Variants in MELK observed in about 807,000 individuals in gnomAD.
MELK encodes pEg3 kinase.
Under a neutral mutation model 85.0 loss-of-function variants are expected in MELK, and 81 were observed. That is an observed-to-expected ratio of 0.95 (90% CI 0.80 to 1.15). MELK has a LOEUF of 1.15. MELK is among the 50% of genes most tolerant of loss of function. The pLI is 0.00. For missense variants in MELK, 754 were observed against 777.5 expected, an observed-to-expected ratio of 0.97 and a Z score of 0.36; for synonymous variants, 252 against 265.0, an observed-to-expected ratio of 0.95 and a Z score of 0.48.
intron 8 of MELK, among the ~76,000 whole-genome samples, chr9:36,617,781 T>TA (rs200497432): frequency 1.3e-5 from 2 of 152,002 alleles, no homozygotes; most frequent in African/African-American, 2.4e-5. Context: ...TTAAACATCA[T>TA]AAAAAAAACT....
chr9:36,675,617 C>CCAGTCA (rs1833277978), intron 17 of MELK, among the ~76,000 whole-genome samples: 1 of 152,102 alleles, frequency 6.6e-6, no homozygotes, highest in Non-Finnish European at 1.5e-5. Context: ...TCATGACTGG[C>CCAGTCA]TGTTTTACAG....
At position 36,662,908 on chromosome 9, in the gene MELK, G is replaced by T. The variant is rs770612240; in HGVS notation, c.1177-2442G>T. On this transcript the variant is annotated intron_variant, in intron 13 of 17. Transcript: ENST00000298048. ...CACACCATCTGTGTGGTGTCTCTGT[G>T]GATAGTGTCCTCTGGAGTTGTATAA... is the stretch of plus-strand genomic sequence containing the variant. Among the ~76,000 whole-genome samples, 181 of 152,098 alleles carry T rather than the reference G, an allele frequency of 1.2e-3. 1 individual carries two copies. The highest frequency in any genetic ancestry group is 2.4e-3 in the Non-Finnish European group (160 of 68,016).
At chr9:36,651,412 T>A (rs1171509068) in intron 11 of MELK, among the ~76,000 whole-genome samples, 1 of 152,160 alleles carries the variant, frequency 6.6e-6, no homozygotes, top group Non-Finnish European at 1.5e-5. Context: ...GGAGTTGCAG[T>A]AGAGTTAAAT....
chr9:36,674,680 TAAGAGTTG>T (rs1833184540), intron 16 of MELK, among the ~76,000 whole-genome samples, 146 bp from the exon 17 acceptor site: 1 of 152,260 alleles, frequency 6.6e-6, no homozygotes, highest in South Asian at 2.1e-4. Context: ...ATTAACTCAC[TAAGAGTTG>T]ACTGTAAATT....
chr9:36,591,533 C>G (rs560249863), intron 4 of MELK, among the ~76,000 whole-genome samples: 1 of 152,116 alleles, frequency 6.6e-6, no homozygotes, highest in African/African-American at 2.4e-5. Context: ...GAGATCATGC[C>G]ACTGCACTCC....
intron 7 of MELK, among the ~76,000 whole-genome samples, chr9:36,606,169 T>C (rs1419233286): frequency 2.6e-5 from 4 of 151,674 alleles, no homozygotes; most frequent in African/African-American, 9.7e-5. Flanking sequence ...GGTAGGCTAA[T>C]TTCTAGTGTC....
chr9:36,598,327 G>A (rs768955410), intron 6 of MELK, among the ~76,000 whole-genome samples: 5 of 152,068 alleles, frequency 3.3e-5, no homozygotes, highest in Admixed American at 1.3e-4. Flanking sequence ...TGGCTGCCAC[G>A]GATTACACAC....
At chr9:36,591,927 A>G (rs1333936587) in intron 4 of MELK, among the ~76,000 whole-genome samples, 2 of 150,594 alleles carry the variant, frequency 1.3e-5, no homozygotes, top group South Asian at 2.1e-4. Flanking sequence ...CCCTGTCTCA[A>G]AAAAAAAAGG....
At chr9:36,618,648 C>T (rs1221066025) in intron 8 of MELK, among the ~76,000 whole-genome samples, 1 of 152,114 alleles carries the variant, frequency 6.6e-6, no homozygotes, top group Non-Finnish European at 1.5e-5. Context: ...TATTCATAGT[C>T]TTCAATCTGT....
intron 12 of MELK, among the ~76,000 whole-genome samples, chr9:36,652,594 G>A (rs577287567): frequency 1.3e-5 from 2 of 151,812 alleles, no homozygotes; most frequent in East Asian, 4.0e-4. Flanking sequence ...GCCAGGCGTG[G>A]TGATGAGTGC....
Position 36,583,454 on chromosome 9 carries a change from T to TAA in MELK, c.59-161_59-160dup, listed in dbSNP as rs11384385. On this transcript the variant is annotated intron_variant, in intron 2 of 17. Coordinates refer to ENST00000298048, the MANE Select transcript of MELK (RefSeq NM_014791.4). ...AAAGTTTGAGATACACTATCATGGT[T>TAA]AAAAAAAAAAAAACCTTCAGCTAGA... 4.5e-3 allele frequency among the ~76,000 whole-genome samples: 614 copies of TAA among 136,534 alleles called. 1 individual carries two copies. Among genetic ancestry groups the TAA allele is most frequent in the African/African-American group, 0.016 (590 of 37,876 alleles). 89.6% of individuals were successfully genotyped at this position (136,534 alleles called of 152,430 possible). A position where few individuals can be genotyped will look rare whatever the true frequency, so the allele number is the denominator to read the frequency against.
At chr9:36,637,313 T>C (rs947552444) in intron 10 of MELK, among the ~76,000 whole-genome samples, 2 of 152,212 alleles carry the variant, frequency 1.3e-5, no homozygotes, top group African/African-American at 4.8e-5. Context: ...TATTTATAGA[T>C]AAGGGAACGG....
intron 8 of MELK, among the ~76,000 whole-genome samples, chr9:36,611,752 C>CTATTATTATTATTATTAT (rs761980953): frequency 2.3e-4 from 34 of 145,412 alleles, no homozygotes; most frequent in African/African-American, 8.7e-4. Flanking sequence ...ATAAATGTAG[C>CTATTATTATTATTATTAT]TATTATTATT....
chr9:36,586,853 GTTTTA>G (rs1045076322), intron 3 of MELK, among the ~76,000 whole-genome samples: 2 of 151,760 alleles, frequency 1.3e-5, no homozygotes, highest in African/African-American at 4.8e-5. Flanking sequence ...TACTTCCATG[GTTTTA>G]TTTATTTATT....
chr9:36,593,612 T>C (rs1318176196), intron 4 of MELK, among the ~76,000 whole-genome samples: 2 of 152,234 alleles, frequency 1.3e-5, no homozygotes, highest in African/African-American at 4.8e-5. Context: ...CAGTTGTTTC[T>C]AGTCTTTTGC....
chr9:36,654,651 C>T (rs978592371), intron 12 of MELK, among the ~76,000 whole-genome samples: 8 of 152,010 alleles, frequency 5.3e-5, no homozygotes, highest in South Asian at 2.1e-4. Context: ...CCACCACACC[C>T]GGCCTGGATT....
At chr9:36,583,536 G>T in intron 2 of MELK, 91 bp from the exon 3 acceptor site, 1 of 726,234 alleles carries the variant, frequency 1.4e-6, no homozygotes, top group Non-Finnish European at 2.1e-6. Flanking sequence ...GGAAAATTTG[G>T]CTTGATAGAG....
chr9:36,596,503 C>T (rs146954480), intron 5 of MELK, among the ~76,000 whole-genome samples: 2,662 of 150,402 alleles, frequency 0.018, 74 homozygotes, highest in African/African-American at 0.058. Context: ...GTGATCCACC[C>T]GCCTAGGCCT....
chr9:36,598,816 T>C (rs1824584449), intron 6 of MELK, among the ~76,000 whole-genome samples: 2 of 152,156 alleles, frequency 1.3e-5, no homozygotes, highest in South Asian at 2.1e-4. Context: ...TAGGGAAGTA[T>C]GAACCTGATT....
Sources: allele counts gnomAD v4.1 joint callset (sites outside exome capture counted in the v4.1 genomes callset), GRCh38; gene constraint gnomAD v4.1.1; transcripts MANE v1.5; gene names NCBI Gene and HGNC (gene_info 2026-07-23, HGNC 2026-07-21).